The following PAPSS1 variants were observed in gnomAD, a reference collection of about 807,000 sequenced individuals.
PAPSS1 encodes the protein 3'-phosphoadenosine 5'-phosphosulfate synthase 1, also known as bifunctional 3'-phosphoadenosine 5'-phosphosulfate synthase 1.
In PAPSS1, 50 loss-of-function variants were observed where a neutral mutation model predicts 72.0. That is an observed-to-expected ratio of 0.69 (90% CI 0.55 to 0.88). PAPSS1 has a LOEUF of 0.88. Ranked by LOEUF, PAPSS1 falls within the 40% of genes least tolerant of loss-of-function variation. The pLI, the probability that PAPSS1 is intolerant of heterozygous loss-of-function variation, is 0.00. For missense variants in PAPSS1, 657 were observed against 782.2 expected (o/e 0.84, Z 1.91); for synonymous variants, 261 against 263.6 (o/e 0.99, Z 0.09).
In PAPSS1 at chr4:107,631,540, C is replaced by T. The variant is rs1726224048; in HGVS notation, c.1736+91G>A. On this transcript the variant is annotated intron_variant, in intron 11 of 11. Coordinates refer to ENST00000265174, the MANE Select transcript of PAPSS1 (RefSeq NM_005443.5). ...CTGACATGAGTACCACAAAACCTGT[C>T]ATCAGTAAAGATTAGACAATAAGCT... 5.9e-6 allele frequency: 5 copies of T among 851,970 alleles called. No individual in the cohort carries two copies. The South Asian group carries it at 8.9e-5, about 15-fold the overall frequency. 52.8% of individuals were successfully genotyped at this position (851,970 alleles called of 1,614,324 possible). A position where few individuals can be genotyped will look rare whatever the true frequency, so the allele number is the denominator to read the frequency against.
chr4:107,658,869 G>C (rs1727090676), intron 6 of PAPSS1, among the ~76,000 whole-genome samples: 2 of 152,216 alleles, frequency 1.3e-5, no homozygotes, highest in Admixed American at 1.3e-4. Context: ...AAATAGGCAT[G>C]TGAGGAGGTG....
At chr4:107,624,479 T>C (rs746499694) in intron 11 of PAPSS1, among the ~76,000 whole-genome samples, 2 of 152,098 alleles carry the variant, frequency 1.3e-5, no homozygotes, top group African/African-American at 2.4e-5. Context: ...AGCAAACTAT[T>C]TGCAAATAGT....
At chr4:107,666,115 A>C (rs958338593) in intron 5 of PAPSS1, among the ~76,000 whole-genome samples, 2 of 152,186 alleles carry the variant, frequency 1.3e-5, no homozygotes, top group Non-Finnish European at 2.9e-5. Flanking sequence ...ACACTTTAAA[A>C]CTGAGCTGCA....
chr4:107,682,328 A>C (rs958401543), intron 4 of PAPSS1, among the ~76,000 whole-genome samples, 195 bp from the exon 5 acceptor site: 1 of 152,076 alleles, frequency 6.6e-6, no homozygotes, highest in African/African-American at 2.4e-5. Flanking sequence ...GCCATTTTAA[A>C]CTGTAAAACT....
intron 10 of PAPSS1, among the ~76,000 whole-genome samples, chr4:107,640,468 G>A (rs1279673224): frequency 6.6e-6 from 1 of 152,050 alleles, no homozygotes; most frequent in Non-Finnish European, 1.5e-5. Flanking sequence ...AGGAAGAGTC[G>A]TTGTTTTTAT....
intron 9 of PAPSS1, among the ~76,000 whole-genome samples, chr4:107,645,864 C>G (rs145262831): frequency 0.013 from 1,923 of 152,298 alleles, 23 homozygotes; most frequent in Non-Finnish European, 0.016. Flanking sequence ...TCTCTTCTAA[C>G]AATCTGTAAG....
At chr4:107,624,785 G>A (rs904336547) in intron 11 of PAPSS1, among the ~76,000 whole-genome samples, 4 of 152,226 alleles carry the variant, frequency 2.6e-5, no homozygotes, top group South Asian at 4.2e-4. Context: ...GTAAATTCAC[G>A]CAGTTATAGT....
chr4:107,653,949 C>T (rs2271590), intron 8 of PAPSS1, among the ~76,000 whole-genome samples: 27,874 of 152,182 alleles, frequency 0.18, 2,977 homozygotes, highest in East Asian at 0.37. Context: ...CTCTGGGTCA[C>T]CCCACACTGT....
intron 6 of PAPSS1, among the ~76,000 whole-genome samples, chr4:107,658,713 AT>A (rs557789846): frequency 1.4e-3 from 217 of 149,988 alleles, no homozygotes; most frequent in African/African-American, 4.4e-3. Flanking sequence ...TCATGAAGAA[AT>A]TTTTTTTTTT....
At position 107,712,710 on chromosome 4, in the gene PAPSS1, T is replaced by C. The variant is rs144643612; in HGVS notation, c.60+7410A>G. ...CAACATTGTGAAACCCCGTCTCTGCTCAAAACGCAAAAATTAGCTGGGCGT... is the reference window on the plus strand; with the variant it reads ...CAACATTGTGAAACCCCGTCTCTGCCCAAAACGCAAAAATTAGCTGGGCGT... On this transcript the variant is annotated intron_variant, in intron 1 of 11. Transcript: ENST00000265174. 1.6e-3 allele frequency among the ~76,000 whole-genome samples: 247 copies of C among 151,854 alleles called. 4 individuals are homozygous for C. Among genetic ancestry groups the C allele is most frequent in the African/African-American group, 5.7e-3 (236 of 41,440 alleles).
At chr4:107,652,960 CATT>C (rs1726888621) in intron 9 of PAPSS1, among the ~76,000 whole-genome samples, 1 of 151,916 alleles carries the variant, frequency 6.6e-6, no homozygotes, top group Non-Finnish European at 1.5e-5. Context: ...GGTCATGTAT[CATT>C]ATTTGCTGTG....
chr4:107,677,317 A>G (rs559441421), intron 5 of PAPSS1, among the ~76,000 whole-genome samples: 1 of 152,344 alleles, frequency 6.6e-6, no homozygotes, highest in East Asian at 1.9e-4. Flanking sequence ...AGAATCTATA[A>G]AGAACTCAAA....
intron 11 of PAPSS1, among the ~76,000 whole-genome samples, chr4:107,626,101 CAG>C (rs1312634629): frequency 6.7e-6 from 1 of 149,170 alleles, no homozygotes; most frequent in East Asian, 2.0e-4. Context: ...TGGCGTGAAA[CAG>C]GGAGGCAGAG....
intron 2 of PAPSS1, 29 bp from the exon 3 acceptor site, chr4:107,694,035 A>C: frequency 6.8e-7 from 1 of 1,468,082 alleles, no homozygotes; most frequent in Non-Finnish European, 9.5e-7. Flanking sequence ...AACAGATTCC[A>C]TGTGTAAAGT....
At position 107,614,154 on chromosome 4, in the gene PAPSS1, T is replaced by G. The variant is rs1725759713; in HGVS notation, c.*95A>C. 7 of 1,324,760 alleles carry G rather than the reference T, an allele frequency of 5.3e-6. No individual in the cohort carries two copies. In the South Asian group the frequency reaches 9.8e-5, roughly 19 times the overall value. The allele number at this position is 1,324,760 out of a possible 1,614,324, so 82.1% of individuals were successfully genotyped here. Reference sequence around the variant, plus strand: ...AAATGGTCTGTTTTTAGGAAGCATGTCCAGACAGACACCACAAAGAAATGC... The same window carrying G: ...AAATGGTCTGTTTTTAGGAAGCATGGCCAGACAGACACCACAAAGAAATGC... On this transcript the variant is annotated 3_prime_UTR_variant, in exon 12 of 12. Coordinates refer to ENST00000265174, the MANE Select transcript of PAPSS1 (RefSeq NM_005443.5).
intron 9 of PAPSS1, among the ~76,000 whole-genome samples, chr4:107,647,454 A>G (rs921381133): frequency 1.3e-5 from 2 of 152,188 alleles, no homozygotes; most frequent in African/African-American, 4.8e-5. Flanking sequence ...TCCTGATTTA[A>G]GTGGTCCTTA....
At chr4:107,699,552 G>A (rs1335127802) in intron 2 of PAPSS1, among the ~76,000 whole-genome samples, 2 of 152,044 alleles carry the variant, frequency 1.3e-5, no homozygotes, top group African/African-American at 2.4e-5. Flanking sequence ...GGAAAAAAAC[G>A]AAAATGGATC....
chr4:107,682,026 G>GA lies in PAPSS1; in HGVS notation c.657dup (p.Leu220SerfsTer14). On this transcript the variant is annotated frameshift_variant, in exon 5 of 12. Transcript: ENST00000265174. LOFTEE classifies it high-confidence loss of function. Reference sequence around the variant, plus strand: ...TCATCCTCTCTTACCCGTTCCTGTAGAAGTTCCACAACTTGCTGGACACAG... The same window carrying GA: ...TCATCCTCTCTTACCCGTTCCTGTAGAAAGTTCCACAACTTGCTGGACACAG... The GA allele has an allele frequency of 6.4e-7, 1 of 1,558,104 alleles. No homozygotes were observed. The highest frequency in any genetic ancestry group is 1.4e-5 in the African/African-American group (1 of 73,524).
At chr4:107,677,319 G>A (rs1727679924) in intron 5 of PAPSS1, among the ~76,000 whole-genome samples, 1 of 152,098 alleles carries the variant, frequency 6.6e-6, no homozygotes, top group Non-Finnish European at 1.5e-5. Context: ...AATCTATAAA[G>A]AACTCAAATA....
Sources: allele counts gnomAD v4.1 joint callset (sites outside exome capture counted in the v4.1 genomes callset), GRCh38; gene constraint gnomAD v4.1.1; transcripts MANE v1.5; gene names NCBI Gene and HGNC (gene_info 2026-07-23, HGNC 2026-07-21).